CCSER1: variants seen among roughly 807,000 people sequenced by gnomAD.
CCSER1 encodes coiled-coil serine rich protein 1.
In CCSER1, 41 loss-of-function variants were observed where a neutral mutation model predicts 82.0. That is an observed-to-expected ratio of 0.50 (90% CI 0.39 to 0.65). The LOEUF (loss-of-function observed/expected upper bound fraction) is 0.65, where lower values mean the gene tolerates loss of function less well. Among genes scored for constraint, CCSER1 ranks in the 30% least tolerant of loss-of-function variants. CCSER1 has a pLI of 0.00. For synonymous variants in CCSER1, 414 were observed against 383.9 expected (o/e 1.08, Z -0.92); for missense variants, 1,119 against 1,064.2 (o/e 1.05, Z -0.72).
intron 5 of CCSER1, among the ~76,000 whole-genome samples, chr4:90,470,009 A>G (rs1235095232): frequency 1.3e-5 from 2 of 152,194 alleles, no homozygotes; most frequent in African/African-American, 4.8e-5. Context: ...CAGATTTTAG[A>G]ACATTGGGAT....
intron 6 of CCSER1, among the ~76,000 whole-genome samples, chr4:90,713,041 G>A (rs186115965): frequency 6.6e-6 from 1 of 150,998 alleles, no homozygotes; most frequent in Admixed American, 6.6e-5. Context: ...GTTTGTCTTT[G>A]CACATGAGAT....
chr4:91,181,111 C>T lies in CCSER1; in HGVS notation c.2217+95117C>T, dbSNP rs187947418. Among the ~76,000 whole-genome samples the T allele has an allele frequency of 3.0e-4, 45 of 152,312 alleles. No homozygotes were observed. In the East Asian group the frequency reaches 8.1e-3, roughly 27 times the overall value. ...GCATGGGCATTAGGGCCATTATGAA[C>T]ATGTTACAGTGCTGCAGAGATTTTG... On this transcript the variant is annotated intron_variant, in intron 10 of 10. Coordinates refer to ENST00000509176, the MANE Select transcript of CCSER1 (RefSeq NM_001145065.2).
At chr4:90,627,410 A>T (rs1029710857) in intron 5 of CCSER1, among the ~76,000 whole-genome samples, 10 of 151,798 alleles carry the variant, frequency 6.6e-5, no homozygotes, top group South Asian at 4.1e-4. Flanking sequence ...AAATTATATG[A>T]TATAAAAATA....
At chr4:91,325,164 T>C (rs1426453159) in intron 10 of CCSER1, 1 of 456,176 alleles carries the variant, frequency 2.2e-6, no homozygotes, top group Admixed American at 2.3e-5. Flanking sequence ...GTCCTCTTTT[T>C]CTGTCTTCTT....
In CCSER1 at chr4:90,799,481, G is replaced by T. The variant is rs112569096; in HGVS notation, c.2011-16281G>T. Among the ~76,000 whole-genome samples the T allele has an allele frequency of 6.5e-3, 991 of 152,128 alleles. 9 individuals carry two copies. The highest frequency in any genetic ancestry group is 0.023 in the African/African-American group (935 of 41,496). On this transcript the variant is annotated intron_variant, in intron 7 of 10. Coordinates refer to ENST00000509176, the MANE Select transcript of CCSER1 (RefSeq NM_001145065.2). ...TGCAGGCTGGTGTGTGGCCGTAGGC[G>T]TCGTGCCACTGGAGCTCTCTGCAGC... is the stretch of plus-strand genomic sequence containing the variant.
At chr4:90,832,029 A>T (rs1295940801) in intron 8 of CCSER1, among the ~76,000 whole-genome samples, 2 of 152,052 alleles carry the variant, frequency 1.3e-5, no homozygotes, top group Admixed American at 6.6e-5. Flanking sequence ...AACTCTGATT[A>T]GTGGAGTAAA....
chr4:90,838,460 A>G (rs886115311), intron 8 of CCSER1, among the ~76,000 whole-genome samples: 1 of 151,108 alleles, frequency 6.6e-6, no homozygotes, highest in Non-Finnish European at 1.5e-5. Flanking sequence ...TTTAATATGT[A>G]TTTAAATATA....
At chr4:90,329,650 T>C (rs1376652294) in intron 3 of CCSER1, among the ~76,000 whole-genome samples, 1 of 152,124 alleles carries the variant, frequency 6.6e-6, no homozygotes, top group East Asian at 1.9e-4. Flanking sequence ...CATACATTTT[T>C]CACAGTCTTC....
chr4:91,412,503 AT>A (rs144696948), intron 10 of CCSER1, among the ~76,000 whole-genome samples: 19,327 of 152,090 alleles, frequency 0.13, 1,376 homozygotes, highest in Middle Eastern at 0.19. Context: ...GAAAGCAGGT[AT>A]TCATCCTGGT....
intron 9 of CCSER1, among the ~76,000 whole-genome samples, chr4:90,957,575 TATATA>T (rs1335265034): frequency 2.3e-5 from 3 of 132,938 alleles, no homozygotes; most frequent in African/African-American, 5.7e-5. Context: ...ATAATTATAT[TATATA>T]ATATATTATT....
intron 4 of CCSER1, among the ~76,000 whole-genome samples, chr4:90,447,326 G>A (rs1760795631): frequency 6.6e-6 from 1 of 151,586 alleles, no homozygotes; most frequent in Non-Finnish European, 1.5e-5. Context: ...AAATTTACTT[G>A]TGGTCTTCCT....
intron 10 of CCSER1, among the ~76,000 whole-genome samples, chr4:91,402,245 AT>A (rs1308544684): frequency 6.7e-6 from 1 of 149,858 alleles, no homozygotes; most frequent in East Asian, 2.0e-4. Flanking sequence ...GATGGGGTTG[AT>A]TTTTTTCTTG....
chr4:91,344,207 T>C (rs948503494), intron 10 of CCSER1, among the ~76,000 whole-genome samples: 3 of 152,158 alleles, frequency 2.0e-5, no homozygotes, highest in African/African-American at 7.2e-5. Context: ...CCTTCCTCCA[T>C]GTGAGAACAC....
intron 10 of CCSER1, among the ~76,000 whole-genome samples, chr4:91,489,943 A>G (rs1758425802): frequency 6.6e-6 from 1 of 152,208 alleles, no homozygotes; most frequent in Non-Finnish European, 1.5e-5. Context: ...AGATATGAAT[A>G]GATATTTCTC....
intron 6 of CCSER1, among the ~76,000 whole-genome samples, chr4:90,704,336 G>T (rs1012372055): frequency 6.6e-6 from 1 of 152,180 alleles, no homozygotes; most frequent in African/African-American, 2.4e-5. Context: ...TTTCTGCCGA[G>T]ATATCAGCTG....
chr4:91,351,951 C>T (rs1262306056), intron 10 of CCSER1, among the ~76,000 whole-genome samples: 1 of 151,648 alleles, frequency 6.6e-6, no homozygotes, highest in Non-Finnish European at 1.5e-5. Flanking sequence ...TGACAACAGA[C>T]TTCTGAGCGC....
chr4:91,448,605 G>C (rs1438689391), intron 10 of CCSER1, among the ~76,000 whole-genome samples: 1 of 151,668 alleles, frequency 6.6e-6, no homozygotes, highest in Non-Finnish European at 1.5e-5. Flanking sequence ...AAAAATTCAG[G>C]GTCCTTGGAA....
chr4:91,348,719 A>G (rs1560603787), intron 10 of CCSER1, among the ~76,000 whole-genome samples: 1 of 152,256 alleles, frequency 6.6e-6, no homozygotes, highest in East Asian at 1.9e-4. Flanking sequence ...CATCCAGGTT[A>G]TCAAATGTGT....
At chr4:91,099,191 A>G (rs1724811550) in intron 10 of CCSER1, among the ~76,000 whole-genome samples, 1 of 152,222 alleles carries the variant, frequency 6.6e-6, no homozygotes, top group African/African-American at 2.4e-5. Flanking sequence ...GTTCAACTTT[A>G]GAGATCCCAT....
Sources: allele counts gnomAD v4.1 joint callset (sites outside exome capture counted in the v4.1 genomes callset), GRCh38; gene constraint gnomAD v4.1.1; transcripts MANE v1.5; gene names NCBI Gene and HGNC (gene_info 2026-07-23, HGNC 2026-07-21).